Variants in SHF observed in about 807,000 individuals in gnomAD.
SHF encodes the protein SH2 domain-containing adapter protein F.
A neutral mutation model predicts 42.4 loss-of-function variants in SHF; 30 were observed. The ratio of observed to expected loss-of-function variants is 0.71; its 90% confidence interval spans 0.53 to 0.96. The LOEUF (loss-of-function observed/expected upper bound fraction) is 0.96, where lower values mean the gene tolerates loss of function less well. SHF is among the 40% of genes least tolerant of loss of function. The pLI is 0.00. For missense variants in SHF, 598 were observed against 634.0 expected, an observed-to-expected ratio of 0.94 and a Z score of 0.61; for synonymous variants, 264 against 269.9, an observed-to-expected ratio of 0.98 and a Z score of 0.21.
chr15:45,199,170 T>C, intron 1 of SHF: 1 of 1,336,732 alleles, frequency 7.5e-7, no homozygotes, highest in Non-Finnish European at 1.0e-6. Context: ...CATCTCCCCA[T>C]GTTCCCAACA....
At chr15:45,196,768 G>A (rs984203664) in intron 2 of SHF, among the ~76,000 whole-genome samples, 7 of 151,912 alleles carry the variant, frequency 4.6e-5, no homozygotes, top group African/African-American at 1.5e-4. Flanking sequence ...GCTTGGTGGC[G>A]GGCGCCTGTA....
At chr15:45,168,240 G>T in intron 6 of SHF, 107 bp from the exon 7 acceptor site, 1 of 1,131,930 alleles carries the variant, frequency 8.8e-7, no homozygotes, top group Non-Finnish European at 1.2e-6. Flanking sequence ...TGGTTCCGAA[G>T]CCAGCTGAGA....
In SHF at chr15:45,187,557, C is replaced by A. The variant is rs1898498269; in HGVS notation, c.395G>T (p.Arg132Leu). The change falls in exon 1 of 7, where the codon CGC becomes CTC. Residue 132 changes from arginine (R) to leucine (L), a missense_variant. Physicochemically the swap from Arg to Leu is moderately radical, Grantham distance 102. Around this residue, in one of 2 missense-constraint regions of SHF, gnomAD observed 439 missense variants for 524.6 expected, o/e 0.84. Coordinates refer to ENST00000690270, the MANE Select transcript of SHF (RefSeq NM_001394037.1). The part of the protein sequence containing the change: ...PVAPGPTPPP[R>L]HGSPPHRLIR... ...AAGGCGGTGTGGGGGAGAGCCGTGG[C>A]GCGGGGGCGGCGTGGGTCCGGGGGC... is the stretch of plus-strand genomic sequence containing the variant. 1 of 1,228,742 alleles carries A rather than the reference C, an allele frequency of 8.1e-7. No individual in the cohort carries two copies. The highest frequency in any genetic ancestry group is 1.0e-6 in the Non-Finnish European group (1 of 985,344). 76.1% of individuals were successfully genotyped at this position (1,228,742 alleles called of 1,614,324 possible). A position where few individuals can be genotyped will look rare whatever the true frequency, so the allele number is the denominator to read the frequency against.
In SHF at chr15:45,170,338, A is replaced by G. The variant is rs1305583904; in HGVS notation, c.1280+1545T>C. On this transcript the variant is annotated intron_variant, in intron 6 of 6. Coordinates refer to ENST00000690270, the MANE Select transcript of SHF (RefSeq NM_001394037.1). ...GGGGAGTAGTTGGTTTAGAAATGGTATACAGGCTGCTTGGTATGCTCCATG... is the reference window on the plus strand; with the variant it reads ...GGGGAGTAGTTGGTTTAGAAATGGTGTACAGGCTGCTTGGTATGCTCCATG... 3.1e-6 allele frequency: 4 copies of G among 1,275,722 alleles called. No individual in the cohort carries two copies. In the South Asian group the frequency reaches 5.1e-5, roughly 16 times the overall value. The allele number at this position is 1,275,722 out of a possible 1,614,324, so 79.0% of individuals were successfully genotyped here.
intron 1 of SHF, among the ~76,000 whole-genome samples, chr15:45,179,304 TGCAAAAGGCTGCCAACCTGCCACCAG>T (rs2141378627): frequency 6.6e-6 from 1 of 152,346 alleles, no homozygotes; most frequent in South Asian, 2.1e-4. Context: ...ATGCCCTTTG[TGCAAAAGGCTGCCAACCTGCCACCAG>T]GGGGCATCTT....
chr15:45,168,623 T>A (rs1198567566), intron 6 of SHF, among the ~76,000 whole-genome samples: 2 of 152,128 alleles, frequency 1.3e-5, no homozygotes, highest in African/African-American at 4.8e-5. Context: ...ATTGGGGCTC[T>A]CCCTTCTAAT....
intron 1 of SHF, among the ~76,000 whole-genome samples, chr15:45,183,178 G>T (rs937254758): frequency 9.2e-5 from 14 of 152,212 alleles, no homozygotes; most frequent in African/African-American, 3.4e-4. Flanking sequence ...TAGGTGCTGA[G>T]GGTCCAGGCA....
chr15:45,199,477 A>G lies in SHF; in HGVS notation c.-46-357T>C, dbSNP rs182824957. 4.3e-3 allele frequency among the ~76,000 whole-genome samples: 660 copies of G among 152,102 alleles called. 1 individual carries two copies. Among genetic ancestry groups the G allele is most frequent in the Non-Finnish European group, 7.3e-3 (497 of 67,976 alleles). On this transcript the variant is annotated intron_variant, in intron 1 of 7. Coordinates refer to the SHF transcript ENST00000290894. The stretch of plus-strand genomic sequence containing the variant: ...TCTCCAATGTCACCCTCTCCCATCA[A>G]TCCTCCCTATGCAGAGCCGCGGGAG...
chr15:45,174,609 A>G (rs1161351389), intron 3 of SHF, among the ~76,000 whole-genome samples: 5 of 152,008 alleles, frequency 3.3e-5, no homozygotes, highest in Non-Finnish European at 7.4e-5. Context: ...CCCTCTCCCT[A>G]CTCCAGGCTC....
upstream of SHF, among the ~76,000 whole-genome samples, chr15:45,189,630 T>C (rs1173961837): frequency 6.6e-6 from 1 of 151,988 alleles, no homozygotes; most frequent in East Asian, 1.9e-4. Flanking sequence ...CCTCAAGTGA[T>C]TCCCCACCTC....
chr15:45,175,127 T>C lies in SHF; in HGVS notation c.847+92A>G, dbSNP rs919563952. On this transcript the variant is annotated intron_variant, in intron 3 of 6. Coordinates refer to ENST00000690270, the MANE Select transcript of SHF (RefSeq NM_001394037.1). ...CCCTGGAGTCCTGATCCTGGGCCTC[T>C]CTGGGTTCCTGGGGTCCACTCCTTC... The C allele has an allele frequency of 1.9e-5, 26 of 1,381,332 alleles. No homozygotes were observed. The African/African-American group carries it at 3.4e-4, about 18-fold the overall frequency. The allele number at this position is 1,381,332 out of a possible 1,614,324, so 85.6% of individuals were successfully genotyped here.
At position 45,187,627 on chromosome 15, in the gene SHF, A is replaced by AG; in HGVS notation, c.324dup (p.Tyr109LeufsTer46). ...GCGGAGCCGGACGACCCCCCGGAGT[A>AG]GGGGTCTTCGAAGTCGCGCTCCCGC... is the stretch of plus-strand genomic sequence containing the variant. On this transcript the variant is annotated frameshift_variant, in exon 1 of 7. Coordinates refer to ENST00000690270, the MANE Select transcript of SHF (RefSeq NM_001394037.1). LOFTEE classifies it high-confidence loss of function. 1 of 1,228,826 alleles carries AG rather than the reference A, an allele frequency of 8.1e-7. No homozygotes were observed. Among genetic ancestry groups the AG allele is most frequent in the Non-Finnish European group, 1.0e-6 (1 of 986,364 alleles). 76.1% of individuals were successfully genotyped at this position (1,228,826 alleles called of 1,614,324 possible).
chr15:45,200,443 T>A (rs1899046613), intron 1 of SHF: 3 of 240,562 alleles, frequency 1.2e-5, no homozygotes, highest in South Asian at 5.2e-5. Flanking sequence ...CCGAGGTTGC[T>A]GCGGCCACAA....
At chr15:45,191,099 C>T (rs913008931), upstream of SHF, among the ~76,000 whole-genome samples, 32 of 152,278 alleles carry the variant, frequency 2.1e-4, no homozygotes, top group African/African-American at 7.5e-4. Context: ...GGGTCTCACT[C>T]TCTTACCCAG....
At chr15:45,183,182 C>G (rs1898215619) in intron 1 of SHF, among the ~76,000 whole-genome samples, 1 of 152,188 alleles carries the variant, frequency 6.6e-6, no homozygotes, top group South Asian at 2.1e-4. Flanking sequence ...TGCTGAGGGT[C>G]CAGGCATTGG....
intron 1 of SHF, among the ~76,000 whole-genome samples, chr15:45,180,378 T>C (rs1192786871): frequency 6.6e-6 from 1 of 152,172 alleles, no homozygotes; most frequent in Non-Finnish European, 1.5e-5. Flanking sequence ...AAGGCGGCTC[T>C]GTGGTCAGCC....
intron 2 of SHF, among the ~76,000 whole-genome samples, chr15:45,175,782 G>A (rs1870293752): frequency 6.6e-6 from 1 of 151,468 alleles, no homozygotes; most frequent in South Asian, 2.1e-4. Flanking sequence ...GTTTCCTTCT[G>A]TCCCAAATGA....
In SHF at chr15:45,167,850, G is replaced by A. The variant is rs1340770362; in HGVS notation, c.*97C>T. 8.3e-7 allele frequency: 1 copy of A among 1,204,776 alleles called. No homozygotes were observed. The highest frequency in any genetic ancestry group is 1.5e-5 in the African/African-American group (1 of 64,828). 74.6% of individuals were successfully genotyped at this position (1,204,776 alleles called of 1,614,324 possible). A position where few individuals can be genotyped will look rare whatever the true frequency, so the allele number is the denominator to read the frequency against. The stretch of plus-strand genomic sequence containing the variant: ...TCTACTGGATCCCAGGAGAAGAAAG[G>A]TTTGAAAGATCACGTCCCTGGCAAG... On this transcript the variant is annotated 3_prime_UTR_variant, in exon 7 of 7. Transcript: ENST00000690270.
rs766138143 is a variant in SHF at position 45,178,283 on chromosome 15, C to G, written c.522G>C (p.Ala174=). ...CAGTCTCCTGAACATCAAACGGGTC[C>G]GCATAGTCTTCTAGGATAGCTAGCT... The part of the protein sequence containing the change: ...SDRLAILEDY[A]DPFDVQETGE... The change falls in exon 2 of 7, where the codon GCG becomes GCC. Residue 174 remains alanine (A), a synonymous_variant. Coordinates refer to ENST00000690270, the MANE Select transcript of SHF (RefSeq NM_001394037.1). 13 of 1,613,870 alleles carry G rather than the reference C, an allele frequency of 8.1e-6. No homozygotes were observed. The highest frequency in any genetic ancestry group is 1.0e-5 in the Non-Finnish European group (12 of 1,179,864).
Sources: allele counts gnomAD v4.1 joint callset (sites outside exome capture counted in the v4.1 genomes callset), GRCh38; gene constraint gnomAD v4.1.1; regional missense constraint gnomAD v4.1.1; transcripts MANE v1.5; gene names NCBI Gene and HGNC (gene_info 2026-07-23, HGNC 2026-07-21).